RABGEF1: variants seen among roughly 807,000 people sequenced by gnomAD.
The protein encoded by RABGEF1 is rab5 GDP/GTP exchange factor.
RABGEF1 carries 26 observed loss-of-function variants against 57.3 expected under a neutral mutation model. The observed-to-expected ratio is 0.45, with a 90% CI of 0.33 to 0.63. The LOEUF is 0.63. Ranked by LOEUF, RABGEF1 falls within the 20% of genes least tolerant of loss-of-function variation. RABGEF1 has a pLI of 0.02. For synonymous variants in RABGEF1, 185 were observed against 210.7 expected (o/e 0.88, Z 1.06); for missense variants, 464 against 607.6 (o/e 0.76, Z 2.48).
At chr7:66,778,754 A>C (rs1431282579) in intron 3 of RABGEF1, among the ~76,000 whole-genome samples, 1 of 152,164 alleles carries the variant, frequency 6.6e-6, no homozygotes, top group African/African-American at 2.4e-5. Context: ...ACATTTCAGA[A>C]GATCCAGAAG....
chr7:66,687,309 A>G (rs1458423697), intron 1 of RABGEF1, among the ~76,000 whole-genome samples: 2 of 151,334 alleles, frequency 1.3e-5, no homozygotes, highest in African/African-American at 4.9e-5. Context: ...TATTTTTAGT[A>G]GAGATGGGGT....
intron 2 of RABGEF1, among the ~76,000 whole-genome samples, chr7:66,729,888 C>T (rs187772751): frequency 1.3e-3 from 202 of 152,370 alleles, no homozygotes; most frequent in Non-Finnish European, 2.5e-3. Flanking sequence ...TGCTGACTGG[C>T]TTGGCACCTG....
At chr7:66,681,070 G>A (rs1235849166), upstream of RABGEF1, among the ~76,000 whole-genome samples, 1 of 152,074 alleles carries the variant, frequency 6.6e-6, no homozygotes, top group East Asian at 1.9e-4. Flanking sequence ...GTGACAGAGC[G>A]CGACTGTCTC....
chr7:66,758,238 T>C (rs544543834), intron 1 of RABGEF1, among the ~76,000 whole-genome samples: 1 of 152,286 alleles, frequency 6.6e-6, no homozygotes, highest in African/African-American at 2.4e-5. Flanking sequence ...ACGAAACTGG[T>C]TTGCATCCAG....
At chr7:66,682,746 G>A (rs527422513) in intron 1 of RABGEF1, among the ~76,000 whole-genome samples, 2 of 152,240 alleles carry the variant, frequency 1.3e-5, no homozygotes, top group Non-Finnish European at 1.5e-5. Flanking sequence ...GCCCTGGGGG[G>A]ACAGAAGCGT....
chr7:66,657,151 T>C, the RABGEF1 span, among the ~76,000 whole-genome samples: 4 of 152,178 alleles, frequency 2.6e-5, no homozygotes, highest in Non-Finnish European at 5.9e-5. Context: ...TTAGATCTAA[T>C]GGTCATATGC....
intron 1 of RABGEF1, among the ~76,000 whole-genome samples, chr7:66,744,667 C>CAA (rs774941950): frequency 1.4e-3 from 100 of 70,952 alleles, no homozygotes; most frequent in Admixed American, 3.0e-3. Context: ...GACTCCGTCT[C>CAA]AAAAAAAAAA....
At chr7:66,784,145 G>A (rs3913883) in intron 4 of RABGEF1, among the ~76,000 whole-genome samples, 3 of 152,164 alleles carry the variant, frequency 2.0e-5, no homozygotes, top group African/African-American at 2.4e-5. Context: ...TATAAACTGC[G>A]ATAGTAGACC....
At chr7:66,737,051 G>GGA (rs146350696), upstream of RABGEF1, among the ~76,000 whole-genome samples, 152 of 124,896 alleles carry the variant, frequency 1.2e-3, no homozygotes, top group East Asian at 5.6e-3. Context: ...ATATGAGGGG[G>GGA]GAGAGAGAGA....
In RABGEF1 at chr7:66,811,013, T is replaced by A. The variant is rs868549956; in HGVS notation, c.*1729T>A. 6.6e-6 allele frequency: 1 copy of A among 152,238 alleles called. No individual in the cohort carries two copies. Among genetic ancestry groups the A allele is most frequent in the South Asian group, 2.1e-4 (1 of 4,830 alleles). 9.4% of individuals were successfully genotyped at this position (152,238 alleles called of 1,614,324 possible). The stretch of plus-strand genomic sequence containing the variant: ...TATCAAATGCCAGTGAGAATCTTCT[T>A]ATAGAATAACCTGGGCCCAAGTGAT... On this transcript the variant is annotated 3_prime_UTR_variant, in exon 9 of 9. Transcript: ENST00000284957.
intron 4 of RABGEF1, among the ~76,000 whole-genome samples, chr7:66,792,067 A>AGTT (rs1812806260): frequency 6.6e-6 from 1 of 151,466 alleles, no homozygotes; most frequent in East Asian, 1.9e-4. Flanking sequence ...AACTGAGATC[A>AGTT]CGCCACTGCA....
intron 2 of RABGEF1, among the ~76,000 whole-genome samples, chr7:66,735,632 GGTGA>G (rs1256766104): frequency 1.3e-5 from 2 of 152,128 alleles, no homozygotes; most frequent in African/African-American, 2.4e-5. Context: ...TTCTCGTGAT[GGTGA>G]GTGAGTTATT....
At chr7:66,712,563 C>T (rs1199991383) in intron 2 of RABGEF1, among the ~76,000 whole-genome samples, 2 of 152,080 alleles carry the variant, frequency 1.3e-5, no homozygotes, top group Non-Finnish European at 2.9e-5. Flanking sequence ...CTCGACCTCC[C>T]GGGCTGAAGG....
At chr7:66,749,763 A>G (rs1013860384) in intron 1 of RABGEF1, among the ~76,000 whole-genome samples, 1 of 152,272 alleles carries the variant, frequency 6.6e-6, no homozygotes, top group Non-Finnish European at 1.5e-5. Flanking sequence ...CGAGGTCAGG[A>G]GATAGAGACC....
chr7:66,690,729 TA>T (rs1791393818), intron 1 of RABGEF1, among the ~76,000 whole-genome samples: 1 of 151,624 alleles, frequency 6.6e-6, no homozygotes, highest in Non-Finnish European at 1.5e-5. Flanking sequence ...ATAAATATTT[TA>T]AAAAATTAAA....
intron 1 of RABGEF1, among the ~76,000 whole-genome samples, chr7:66,699,730 G>A (rs1327565820): frequency 2.0e-5 from 3 of 151,778 alleles, no homozygotes; most frequent in Admixed American, 1.3e-4. Context: ...GTGTGCACTT[G>A]TAGTCCCAGC....
At chr7:66,657,004 T>A in the RABGEF1 span, among the ~76,000 whole-genome samples, 1 of 151,884 alleles carries the variant, frequency 6.6e-6, no homozygotes, top group Non-Finnish European at 1.5e-5. Context: ...CATCAAAACA[T>A]ATGAAGTAAA....
At chr7:66,674,146 G>A in the RABGEF1 span, among the ~76,000 whole-genome samples, 1 of 151,222 alleles carries the variant, frequency 6.6e-6, no homozygotes, top group African/African-American at 2.4e-5. Context: ...ACTATTCTAC[G>A]CCTAGTACTT....
intron 2 of RABGEF1, among the ~76,000 whole-genome samples, chr7:66,712,682 G>T (rs575985720): frequency 6.8e-4 from 104 of 152,272 alleles, no homozygotes; most frequent in Admixed American, 1.2e-3. Context: ...ATGTTACCCA[G>T]ATTGGATCTT....
Sources: gnomAD v4.1 joint callset for allele counts (sites outside exome capture counted in the v4.1 genomes callset) on GRCh38, gnomAD v4.1.1 for gene constraint, MANE v1.5 for transcripts, NCBI Gene and HGNC (gene_info 2026-07-23, HGNC 2026-07-21) for gene names.